The following SEL1L2 variants were observed in gnomAD, a reference collection of about 807,000 sequenced individuals.
The protein encoded by SEL1L2 is SEL1L2 adaptor subunit of SYVN1 ubiquitin ligase.
In SEL1L2, 89 loss-of-function variants were observed where a neutral mutation model predicts 98.8. That is an observed-to-expected ratio of 0.90 (90% CI 0.76 to 1.07). The LOEUF (loss-of-function observed/expected upper bound fraction) is 1.07. SEL1L2 is among the 50% of genes least tolerant of loss of function. SEL1L2 has a pLI of 0.00. For missense variants in SEL1L2, 788 were observed against 812.0 expected (o/e 0.97, Z 0.36); for synonymous variants, 262 against 278.5 (o/e 0.94, Z 0.59).
upstream of SEL1L2, among the ~76,000 whole-genome samples, chr20:13,994,479 C>A (rs918882962): frequency 1.3e-5 from 2 of 151,910 alleles, no homozygotes; most frequent in African/African-American, 2.4e-5. Flanking sequence ...TAATTATTTG[C>A]CCAATATATA....
chr20:13,935,382 A>C (rs73087459), intron 2 of SEL1L2, among the ~76,000 whole-genome samples: 21,443 of 152,240 alleles, frequency 0.14, 1,948 homozygotes, highest in East Asian at 0.32. Flanking sequence ...ATAACAGTCA[A>C]CTGATAAAAG....
chr20:13,987,311 G>GTTTTTTTTT (rs67919960), intron 1 of SEL1L2, among the ~76,000 whole-genome samples: 2 of 132,222 alleles, frequency 1.5e-5, no homozygotes, highest in African/African-American at 6.0e-5. Context: ...TTAATTTACT[G>GTTTTTTTTT]TTTTTTTTTT....
chr20:13,859,515 G>T, intron 17 of SEL1L2, 81 bp from the exon 18 acceptor site: 2 of 1,240,540 alleles, frequency 1.6e-6, no homozygotes, highest in African/African-American at 1.5e-5. Flanking sequence ...TAGTAATCTT[G>T]TTTCAGTCCT....
rs1990765033 is a variant in SEL1L2 at position 13,865,033 on chromosome 20, T to C, written c.1645+134A>G. On this transcript the variant is annotated intron_variant, in intron 17 of 19. Transcript: ENST00000284951. The stretch of plus-strand genomic sequence containing the variant: ...CACCAAAGACTGACCCTAACATCAG[T>C]ATAGTTTGAAATGTCACCTACTTGA... 4 of 681,822 alleles carry C rather than the reference T, an allele frequency of 5.9e-6. No homozygotes were observed. The South Asian group carries it at 7.3e-5, about 12-fold the overall frequency. The allele number at this position is 681,822 out of a possible 1,614,324, so 42.2% of individuals were successfully genotyped here.
intron 5 of SEL1L2, among the ~76,000 whole-genome samples, chr20:13,907,900 T>G (rs944515717): frequency 6.6e-6 from 1 of 150,606 alleles, no homozygotes; most frequent in Non-Finnish European, 1.5e-5. Flanking sequence ...CCCAAGTGGC[T>G]GGGACTACAG....
Position 13,885,395 on chromosome 20 carries a change from A to G in SEL1L2, c.909T>C (p.Leu303=), listed in dbSNP as rs1336038933. 1.3e-6 allele frequency: 2 copies of G among 1,598,660 alleles called. No individual in the cohort carries two copies. The highest frequency in any genetic ancestry group is 1.7e-6 in the Non-Finnish European group (2 of 1,165,924). ...TCCTGCCAATTAGATGTAATTGTCC[A>G]AGAGAGACCTAGGAATGATGAGTTT... ...ERGDVQIQVS[L]GQLHLIGRKG... The change falls in exon 10 of 20, where the codon CTT becomes CTC. Residue 303 remains leucine (L), a synonymous_variant. Transcript: ENST00000284951.
chr20:13,877,435 G>A, intron 11 of SEL1L2, 85 bp downstream of exon 11: 1 of 1,065,000 alleles, frequency 9.4e-7, no homozygotes, highest in Non-Finnish European at 1.4e-6. Flanking sequence ...CAAGTAGCTG[G>A]GACAACAGGC....
At chr20:13,923,872 T>C (rs183619558) in intron 3 of SEL1L2, among the ~76,000 whole-genome samples, 18 of 152,326 alleles carry the variant, frequency 1.2e-4, no homozygotes, top group Admixed American at 9.1e-4. Flanking sequence ...TTTTCAGTAA[T>C]TTTTTGTTTG....
chr20:13,852,495 T>A (rs1324029615), intron 18 of SEL1L2, among the ~76,000 whole-genome samples: 1 of 152,150 alleles, frequency 6.6e-6, no homozygotes, highest in Non-Finnish European at 1.5e-5. Flanking sequence ...AGTAAAAAAA[T>A]CTAAGTCATG....
At position 13,897,960 on chromosome 20, in the gene SEL1L2, A is replaced by ACC. The variant is rs36110400; in HGVS notation, c.550-9450_550-9449dup. ...ACTATAAACACACACACACACACAC[A>ACC]CCCCAAAAAAACCCAGAAAATAAAA... On this transcript the variant is annotated intron_variant, in intron 5 of 19. Transcript: ENST00000284951. Among the ~76,000 whole-genome samples, 563 of 151,810 alleles carry ACC rather than the reference A, an allele frequency of 3.7e-3. 1 individual carries two copies. Among genetic ancestry groups the ACC allele is most frequent in the African/African-American group, 0.012 (481 of 41,424 alleles).
In SEL1L2 at chr20:13,890,072, C is replaced by T. The variant is rs377701791; in HGVS notation, c.550-1560G>A. Among the ~76,000 whole-genome samples the T allele has an allele frequency of 1.3e-4, 20 of 152,078 alleles. 1 individual carries two copies. The highest frequency in any genetic ancestry group is 3.9e-4 in the Admixed American group (6 of 15,254). Reference sequence around the variant, plus strand: ...GGCAAGCTCAAAGCCAAGAATAGTCCGTGAAACAGGTAAGAAAAGCCATTT... The same window carrying T: ...GGCAAGCTCAAAGCCAAGAATAGTCTGTGAAACAGGTAAGAAAAGCCATTT... On this transcript the variant is annotated intron_variant, in intron 5 of 19. Transcript: ENST00000284951.
chr20:13,988,767 C>T (rs899766508), intron 1 of SEL1L2, among the ~76,000 whole-genome samples: 1 of 152,126 alleles, frequency 6.6e-6, no homozygotes, highest in Non-Finnish European at 1.5e-5. Flanking sequence ...AATCCCAGCA[C>T]TTTGGCAGGC....
intron 2 of SEL1L2, among the ~76,000 whole-genome samples, chr20:13,944,136 T>C (rs914705558): frequency 6.6e-6 from 1 of 152,070 alleles, no homozygotes; most frequent in Non-Finnish European, 1.5e-5. Flanking sequence ...ACAAAGGCCC[T>C]GAGGTAGACA....
intron 3 of SEL1L2, among the ~76,000 whole-genome samples, chr20:13,925,061 C>A (rs992587956): frequency 6.6e-6 from 1 of 152,132 alleles, no homozygotes; most frequent in Non-Finnish European, 1.5e-5. Context: ...ATTGCTTAAA[C>A]CCGGGAGAAG....
At chr20:13,889,518 G>A (rs1209067707) in intron 5 of SEL1L2, among the ~76,000 whole-genome samples, 2 of 152,122 alleles carry the variant, frequency 1.3e-5, no homozygotes, top group African/African-American at 2.4e-5. Context: ...TAGGCTGGGT[G>A]CGGTGGCTCA....
At chr20:13,897,443 A>G (rs1170935146) in intron 5 of SEL1L2, among the ~76,000 whole-genome samples, 1 of 152,230 alleles carries the variant, frequency 6.6e-6, no homozygotes, top group African/African-American at 2.4e-5. Context: ...GAAAGGAAAC[A>G]ATTGATACAG....
At chr20:13,911,766 GT>G (rs1025886901) in intron 5 of SEL1L2, among the ~76,000 whole-genome samples, 9 of 151,964 alleles carry the variant, frequency 5.9e-5, no homozygotes, top group Non-Finnish European at 1.3e-4. Flanking sequence ...GTATTTGTTC[GT>G]TTTTGTAAAA....
chr20:13,957,048 C>T (rs987812538), intron 1 of SEL1L2, among the ~76,000 whole-genome samples: 5 of 151,714 alleles, frequency 3.3e-5, no homozygotes, highest in African/African-American at 1.2e-4. Flanking sequence ...AAGAACAGGT[C>T]ATAAATTTTC....
At chr20:13,921,771 CTCTG>C (rs2148249266) in intron 3 of SEL1L2, among the ~76,000 whole-genome samples, 1 of 152,164 alleles carries the variant, frequency 6.6e-6, no homozygotes, top group South Asian at 2.1e-4. Flanking sequence ...AACTTGTGTT[CTCTG>C]TCTCATGATT....
Sources: gnomAD v4.1 joint callset for allele counts (sites outside exome capture counted in the v4.1 genomes callset) on GRCh38, gnomAD v4.1.1 for gene constraint, MANE v1.5 for transcripts, NCBI Gene and HGNC (gene_info 2026-07-23, HGNC 2026-07-21) for gene names.